CCNL1: variants seen among roughly 807,000 people sequenced by gnomAD.
The protein encoded by CCNL1 is cyclin-L1.
A neutral mutation model predicts 60.6 loss-of-function variants in CCNL1; 13 were observed. The ratio of observed to expected loss-of-function variants is 0.21; its 90% CI spans 0.14 to 0.34. CCNL1 has a LOEUF of 0.34. Ranked by LOEUF, CCNL1 falls within the 10% of genes least tolerant of loss-of-function variation. The pLI is 1.00. For synonymous variants in CCNL1, 270 were observed against 244.3 expected (o/e 1.10, Z -0.98); for missense variants, 481 against 664.3 (o/e 0.72, Z 3.03).
At chr3:157,156,633 T>C (rs1038805373) in intron 3 of CCNL1, among the ~76,000 whole-genome samples, 1 of 152,190 alleles carries the variant, frequency 6.6e-6, no homozygotes, top group Non-Finnish European at 1.5e-5. Context: ...CTGCTAATTC[T>C]CAATGTGTAG....
At chr3:157,159,654 C>G (rs10936062) in intron 1 of CCNL1, 138 bp downstream of exon 1, 1 of 1,030,324 alleles carries the variant, frequency 9.7e-7, no homozygotes, top group African/African-American at 1.7e-5. Flanking sequence ...CGGCACGCCC[C>G]GGCCGCGGCT....
chr3:157,152,062 A>C, intron 5 of CCNL1, 115 bp downstream of exon 5: 3 of 1,504,030 alleles, frequency 2.0e-6, no homozygotes, highest in Non-Finnish European at 2.7e-6. Context: ...AAACAAAAAA[A>C]CAACGAAAAG....
chr3:157,149,356 T>A lies in CCNL1; in HGVS notation c.1163A>T (p.Asn388Ile). Reference sequence around the variant, plus strand: ...CCTCGATCGACTTGCACTTCTGCTATTTCTACTTCTCTTGCTGTCTTTTCT... The same window carrying A: ...CCTCGATCGACTTGCACTTCTGCTAATTCTACTTCTCTTGCTGTCTTTTCT... ...GVRKDSKRSR[N>I]SRSASRSRSR... The change falls in exon 10 of 11, where the codon AAT (asparagine) becomes ATT (isoleucine). Residue 388 changes from asparagine (N) to isoleucine (I), a missense_variant. Around this residue, in one of 5 missense-constraint regions of CCNL1, gnomAD observed 197 missense variants for 233.9 expected, o/e 0.84. Coordinates refer to ENST00000295926, the MANE Select transcript of CCNL1 (RefSeq NM_020307.4). 6.2e-7 allele frequency: 1 copy of A among 1,614,094 alleles called. No homozygotes were observed. The highest frequency in any genetic ancestry group is 8.5e-7 in the Non-Finnish European group (1 of 1,179,964).
downstream of CCNL1, among the ~76,000 whole-genome samples, chr3:157,144,386 T>C (rs1737724603): frequency 6.6e-6 from 1 of 152,192 alleles, no homozygotes; most frequent in South Asian, 2.1e-4. Context: ...TAAATCCTAT[T>C]TGCCCAACAC....
rs1204029021 is a variant in CCNL1, at chr3:157,159,676, G to C, written c.303+116C>G. The C allele has an allele frequency of 4.6e-5, 52 of 1,134,608 alleles. No homozygotes were observed. The East Asian group carries it at 1.3e-3, about 29-fold the overall frequency. 70.3% of individuals were successfully genotyped at this position (1,134,608 alleles called of 1,614,324 possible). On this transcript the variant is annotated intron_variant, in intron 1 of 10. Coordinates refer to ENST00000295926, the MANE Select transcript of CCNL1 (RefSeq NM_020307.4). ...CCCCGGCCGCGGCTGGGCCCCGAAC[G>C]GGAAAGCCTGAAGGAACCGTCCCCA...
intron 10 of CCNL1, 92 bp downstream of exon 10, chr3:157,149,195 T>C (rs1306685390): frequency 1.9e-6 from 2 of 1,060,294 alleles, no homozygotes; most frequent in African/African-American, 1.6e-5. Context: ...TAACCTAACT[T>C]TGAAAATAAT....
chr3:157,156,859 CTAA>C, intron 3 of CCNL1: 1 of 1,172,438 alleles, frequency 8.5e-7, no homozygotes, highest in Non-Finnish European at 1.1e-6. Flanking sequence ...AGCTATAGTT[CTAA>C]TAACTTGGAC....
chr3:157,146,652 T>C (rs1737794218), downstream of CCNL1: 1 of 385,398 alleles, frequency 2.6e-6, no homozygotes, highest in Non-Finnish European at 5.0e-6. Flanking sequence ...TCAACATTAA[T>C]TTGCTAACAG....
intron 1 of CCNL1, 69 bp downstream of exon 1, chr3:157,159,723 C>T (rs1357472840): frequency 2.2e-6 from 3 of 1,351,416 alleles, no homozygotes; most frequent in African/African-American, 2.9e-5. Context: ...CACGGTGATA[C>T]TGAGATGCGG....
chr3:157,145,031 C>G (rs1334652778), downstream of CCNL1, among the ~76,000 whole-genome samples: 1 of 152,082 alleles, frequency 6.6e-6, no homozygotes, highest in African/African-American at 2.4e-5. Flanking sequence ...TTTTTATGTT[C>G]GCTTTGTTTT....
chr3:157,149,228 A>G, intron 10 of CCNL1, 59 bp downstream of exon 10: 1 of 1,350,194 alleles, frequency 7.4e-7, no homozygotes, highest in Non-Finnish European at 1.0e-6. Flanking sequence ...TTTAAAGAAA[A>G]AGCAATAACC....
At chr3:157,145,157 C>T (rs74706175), downstream of CCNL1, among the ~76,000 whole-genome samples, 8,024 of 152,134 alleles carry the variant, frequency 0.053, 263 homozygotes, top group South Asian at 0.11. Flanking sequence ...CAGGATTTTG[C>T]CGGGCGCGGT....
chr3:157,148,853 T>C (rs1560194789), intron 10 of CCNL1: 1 of 418,452 alleles, frequency 2.4e-6, no homozygotes, highest in African/African-American at 2.1e-5. Flanking sequence ...TTTTATTAAG[T>C]ATCTCCCACA....
intron 3 of CCNL1, chr3:157,153,868 A>C (rs1028126868): frequency 6.6e-6 from 1 of 152,186 alleles, no homozygotes; most frequent in African/African-American, 2.4e-5. Flanking sequence ...TGAAAACTAA[A>C]GATTCAGCTC....
At chr3:157,147,497 T>C (rs755583984), downstream of CCNL1, 70 of 755,212 alleles carry the variant, frequency 9.3e-5, no homozygotes, top group South Asian at 1.2e-4. Flanking sequence ...ATTTCAGAAA[T>C]AGTACTTAAA....
rs1738979690 is a variant in CCNL1, at chr3:157,160,084, C to G, written c.11G>C (p.Gly4Ala). The stretch of plus-strand genomic sequence containing the variant: ...GGCAGCAGTAGCTGTCGAATGAGGC[C>G]CGGACGCCATAGTCTTAGCGAGCCG... MAS[G>A]PHSTATAAAA... The change falls in exon 1 of 11, where the codon GGG becomes GCG. Residue 4 changes from glycine (G) to alanine (A), a missense_variant. Transcript: ENST00000295926. 6.4e-7 allele frequency: 1 copy of G among 1,551,300 alleles called. No homozygotes were observed. The highest frequency in any genetic ancestry group is 8.7e-7 in the Non-Finnish European group (1 of 1,148,352).
intron 3 of CCNL1, among the ~76,000 whole-genome samples, chr3:157,154,927 CATAT>C (rs202110972): frequency 0.024 from 3,329 of 137,368 alleles, 132 homozygotes; most frequent in African/African-American, 0.091. Context: ...TCTCTCTCTC[CATAT>C]ATATACATAC....
Position 157,147,829 on chromosome 3 carries a change from T to C in CCNL1, c.*412A>G. Reference sequence around the variant, plus strand: ...AAACAAGATTTGTATTTTATTTCCTTGTAAAAATCTTTACACATGCAGACA... The same window carrying C: ...AAACAAGATTTGTATTTTATTTCCTCGTAAAAATCTTTACACATGCAGACA... On this transcript the variant is annotated 3_prime_UTR_variant, in exon 11 of 11. Transcript: ENST00000295926. 3.0e-6 allele frequency: 3 copies of C among 987,782 alleles called. No individual in the cohort carries two copies. Among genetic ancestry groups the C allele is most frequent in the Non-Finnish European group, 3.6e-6 (3 of 831,158 alleles). 61.2% of individuals were successfully genotyped at this position (987,782 alleles called of 1,614,324 possible).
downstream of CCNL1, chr3:157,146,706 T>C (rs1577065964): frequency 5.8e-6 from 2 of 346,756 alleles, no homozygotes; most frequent in African/African-American, 4.4e-5. Flanking sequence ...AATGTCTATC[T>C]TGTAGGGGAA....
Sources: allele counts gnomAD v4.1 joint callset (sites outside exome capture counted in the v4.1 genomes callset), GRCh38; gene constraint gnomAD v4.1.1; regional missense constraint gnomAD v4.1.1; transcripts MANE v1.5; gene names NCBI Gene and HGNC (gene_info 2026-07-23, HGNC 2026-07-21).